Variants in CDH2 observed in about 807,000 individuals in gnomAD.
CDH2 encodes cadherin-2.
In CDH2, 17 loss-of-function variants were observed where a neutral mutation model predicts 92.0. The ratio of observed to expected loss-of-function variants is 0.18; its 90% CI spans 0.13 to 0.28. The LOEUF (loss-of-function observed/expected upper bound fraction) is 0.28. Among genes scored for constraint, CDH2 ranks in the 10% least tolerant of loss-of-function variants. The pLI is 1.00. For synonymous variants in CDH2, 419 were observed against 415.9 expected, an observed-to-expected ratio of 1.01 and a Z score of -0.09; for missense variants, 862 against 1,133.1, an observed-to-expected ratio of 0.76 and a Z score of 3.44.
intron 15 of CDH2, among the ~76,000 whole-genome samples, chr18:27,956,240 A>G (rs1167108540): frequency 6.6e-6 from 1 of 152,140 alleles, no homozygotes; most frequent in East Asian, 1.9e-4. Context: ...TCTAGGTTTG[A>G]CTAAATTTAG....
chr18:28,076,212 C>T (rs745593032), intron 2 of CDH2, among the ~76,000 whole-genome samples: 4 of 152,148 alleles, frequency 2.6e-5, no homozygotes, highest in Non-Finnish European at 5.9e-5. Flanking sequence ...CAGGCTTCCT[C>T]CCAGACCAAT....
chr18:27,965,084 A>G (rs1284522896), intron 14 of CDH2, among the ~76,000 whole-genome samples: 6 of 152,204 alleles, frequency 3.9e-5, no homozygotes, highest in Non-Finnish European at 7.3e-5. Flanking sequence ...AAAATGTTTT[A>G]TCATCATCTC....
intron 2 of CDH2, among the ~76,000 whole-genome samples, chr18:28,103,252 T>C (rs1394311095): frequency 2.1e-5 from 3 of 145,432 alleles, no homozygotes; most frequent in South Asian, 2.1e-4. Context: ...ATAAAGTATA[T>C]ATATAAAAAC....
At chr18:28,128,223 T>C (rs981217288) in intron 2 of CDH2, among the ~76,000 whole-genome samples, 2 of 152,172 alleles carry the variant, frequency 1.3e-5, no homozygotes, top group African/African-American at 4.8e-5. Flanking sequence ...CACATCAGAA[T>C]ACAGAATTAT....
rs1367712177 is a variant in CDH2, at chr18:27,993,578, A to G, written c.1080T>C (p.Tyr360=). 4.3e-6 allele frequency: 7 copies of G among 1,613,922 alleles called. No homozygotes were observed. The highest frequency in any genetic ancestry group is 1.1e-5 in the South Asian group (1 of 91,082). Residue 360 remains tyrosine (Y), a synonymous_variant, in exon 8 of 16, where the codon TAT becomes TAC. Transcript: ENST00000269141. ...QATDMEGNPT[Y]GLSNTATAVI... is the part of the protein sequence containing the mutation. The stretch of plus-strand genomic sequence containing the variant: ...CGGCCGTGGCTGTGTTTGAAAGGCC[A>G]TATGTGGGATTGCCTTCCATGTCTG...
At chr18:27,948,593 G>C (rs531110835), downstream of CDH2, among the ~76,000 whole-genome samples, 2 of 151,618 alleles carry the variant, frequency 1.3e-5, no homozygotes, top group African/African-American at 4.8e-5. Context: ...GCTCTAATTA[G>C]AAAAACACAA....
downstream of CDH2, among the ~76,000 whole-genome samples, chr18:27,950,682 T>C (rs1182853314): frequency 6.6e-6 from 1 of 152,124 alleles, no homozygotes; most frequent in Non-Finnish European, 1.5e-5. Context: ...ACATGAGTTA[T>C]ATTAAGAATT....
At chr18:28,044,631 A>G (rs8095618) in intron 2 of CDH2, among the ~76,000 whole-genome samples, 3,680 of 152,236 alleles carry the variant, frequency 0.024, 62 homozygotes, top group East Asian at 0.054. Context: ...TTCCCATTCT[A>G]AAACACTATT....
intron 2 of CDH2, among the ~76,000 whole-genome samples, chr18:28,104,147 A>G (rs1217117917): frequency 6.6e-6 from 1 of 152,184 alleles, no homozygotes; most frequent in African/African-American, 2.4e-5. Flanking sequence ...GATTTTTGTT[A>G]CTAAAACAGA....
At chr18:28,164,801 T>C (rs77676220) in intron 1 of CDH2, among the ~76,000 whole-genome samples, 1 of 152,320 alleles carries the variant, frequency 6.6e-6, no homozygotes, top group East Asian at 1.9e-4. Context: ...ACCTGTTGTT[T>C]CCAAATCAAA....
At chr18:28,024,759 A>G (rs1377549678) in intron 2 of CDH2, among the ~76,000 whole-genome samples, 1 of 151,862 alleles carries the variant, frequency 6.6e-6, no homozygotes, top group African/African-American at 2.4e-5. Context: ...CTTAAACATA[A>G]TATAAACACT....
chr18:27,975,536 A>C (rs2011797213), intron 14 of CDH2, among the ~76,000 whole-genome samples: 1 of 152,198 alleles, frequency 6.6e-6, no homozygotes, highest in African/African-American at 2.4e-5. Context: ...TGGCAGAAGC[A>C]AACTCCGTGC....
At chr18:28,175,306 G>A (rs1272460228) in intron 1 of CDH2, among the ~76,000 whole-genome samples, 2 of 152,218 alleles carry the variant, frequency 1.3e-5, no homozygotes, top group African/African-American at 4.8e-5. Flanking sequence ...AGTCAGGAGA[G>A]AGCCGAGTGG....
At chr18:28,025,514 T>A in intron 2 of CDH2, among the ~76,000 whole-genome samples, 1 of 150,214 alleles carries the variant, frequency 6.7e-6, no homozygotes, top group African/African-American at 2.4e-5. Context: ...CGAGACTGTC[T>A]CCAGAAAAAA....
At chr18:28,142,005 C>T (rs921256457) in intron 2 of CDH2, among the ~76,000 whole-genome samples, 1 of 152,042 alleles carries the variant, frequency 6.6e-6, no homozygotes, top group African/African-American at 2.4e-5. Context: ...GGCACACATT[C>T]TCCCTATTTC....
chr18:27,946,998 AACAT>A (rs925041743), downstream of CDH2, among the ~76,000 whole-genome samples: 1 of 151,910 alleles, frequency 6.6e-6, no homozygotes, highest in African/African-American at 2.4e-5. Flanking sequence ...ATAATCGTGA[AACAT>A]ACAAAGCCTT....
chr18:27,986,971 G>A (rs370952803), intron 11 of CDH2, among the ~76,000 whole-genome samples: 2 of 152,246 alleles, frequency 1.3e-5, no homozygotes, highest in South Asian at 2.1e-4. Flanking sequence ...AATCATTAAC[G>A]AACAGAGCTG....
intron 6 of CDH2, among the ~76,000 whole-genome samples, chr18:27,943,798 A>C (rs2143837671): frequency 6.6e-6 from 1 of 152,298 alleles, no homozygotes; most frequent in Non-Finnish European, 1.5e-5. Flanking sequence ...CAACCACAAA[A>C]GAGGTCCACT....
At chr18:27,964,783 G>C (rs2011496478) in intron 14 of CDH2, among the ~76,000 whole-genome samples, 1 of 152,148 alleles carries the variant, frequency 6.6e-6, no homozygotes, top group Non-Finnish European at 1.5e-5. Context: ...TATGGTCCCA[G>C]ATCTATTAAG....
Sources: allele counts gnomAD v4.1 joint callset (sites outside exome capture counted in the v4.1 genomes callset), GRCh38; gene constraint gnomAD v4.1.1; transcripts MANE v1.5; gene names NCBI Gene and HGNC (gene_info 2026-07-23, HGNC 2026-07-21).